Variants in SAAL1 observed in about 807,000 individuals in gnomAD.
SAAL1 encodes serum amyloid A like 1, also known as protein SAAL1.
In SAAL1, 42 loss-of-function variants were observed where a neutral mutation model predicts 59.8. The ratio of observed to expected loss-of-function variants is 0.70; its 90% confidence interval spans 0.55 to 0.91. The LOEUF is 0.91. Ranked by LOEUF, SAAL1 falls within the 40% of genes least tolerant of loss-of-function variation. SAAL1 has a pLI of 0.00. For synonymous variants in SAAL1, 191 were observed against 194.3 expected, an observed-to-expected ratio of 0.98 and a Z score of 0.14; for missense variants, 542 against 561.1, an observed-to-expected ratio of 0.97 and a Z score of 0.34.
chr11:18,089,562 T>C (rs756442718), intron 6 of SAAL1, 52 bp from the exon 7 acceptor site: 11 of 1,531,152 alleles, frequency 7.2e-6, no homozygotes, highest in Admixed American at 2.0e-5. Context: ...CTAAAAGCAA[T>C]AGGGTTAAGC....
At chr11:18,087,585 C>T (rs1046653941) in intron 7 of SAAL1, among the ~76,000 whole-genome samples, 12 of 152,138 alleles carry the variant, frequency 7.9e-5, no homozygotes, top group South Asian at 4.1e-4. Flanking sequence ...ATAGTATGAA[C>T]GTTAAGGTCC....
At chr11:18,103,925 C>T (rs1848661919) in intron 1 of SAAL1, among the ~76,000 whole-genome samples, 1 of 152,240 alleles carries the variant, frequency 6.6e-6, no homozygotes, top group South Asian at 2.1e-4. Context: ...CTTGATTTAA[C>T]ACAATCAAAG....
rs1422826511 is a variant in SAAL1 at position 18,087,028 on chromosome 11, T to C, written c.880A>G (p.Ile294Val). ...ACCAGGTCAAAAAGTAAATTCCAAA[T>C]GTCTTTTCCAGTGTCAGGACAATGT... ...IVHCPDTGKD[I>V]WNLLFDLVCH... Residue 294 changes from isoleucine to valine, a missense_variant, in exon 9 of 12, where the codon ATT becomes GTT. Coordinates refer to ENST00000524803, the MANE Select transcript of SAAL1 (RefSeq NM_138421.3). 6.2e-7 allele frequency: 1 copy of C among 1,613,852 alleles called. No homozygotes were observed. Among genetic ancestry groups the C allele is most frequent in the Non-Finnish European group, 8.5e-7 (1 of 1,179,852 alleles).
chr11:18,103,122 CAGACAGGAGATAA>C, intron 2 of SAAL1, 98 bp downstream of exon 2: 1 of 742,714 alleles, frequency 1.3e-6, no homozygotes, highest in Admixed American at 1.9e-5. Flanking sequence ...GGTGTGATTA[CAGACAGGAGATAA>C]AGCCTTTCCC....
intron 3 of SAAL1, 25 bp downstream of exon 3, chr11:18,096,746 A>G (rs1335793606): frequency 8.5e-7 from 1 of 1,173,128 alleles, no homozygotes; most frequent in East Asian, 2.3e-5. Context: ...TCAAAGAAGA[A>G]GGCTTTAGAA....
chr11:18,081,540 A>C (rs767747323), intron 10 of SAAL1, 37 bp from the exon 11 acceptor site: 2 of 1,535,550 alleles, frequency 1.3e-6, no homozygotes, highest in Non-Finnish European at 1.8e-6. Context: ...AAAAAAGGAA[A>C]ATTTTTCAAG....
At chr11:18,105,793 G>T in intron 1 of SAAL1, 114 bp downstream of exon 1, 2 of 1,319,032 alleles carry the variant, frequency 1.5e-6, no homozygotes, top group Non-Finnish European at 2.0e-6. Flanking sequence ...GCGCACGCCT[G>T]GGGAGGGGTC....
At chr11:18,090,083 T>A in intron 6 of SAAL1, 92 bp downstream of exon 6, 1 of 1,247,060 alleles carries the variant, frequency 8.0e-7, no homozygotes, top group Non-Finnish European at 1.1e-6. Flanking sequence ...AAGGCTTTTT[T>A]TAAAAAGGTG....
At chr11:18,092,115 G>C (rs934076603) in intron 4 of SAAL1, 130 bp downstream of exon 4, 1 of 561,322 alleles carries the variant, frequency 1.8e-6, no homozygotes, top group African/African-American at 1.9e-5. Flanking sequence ...ACACAATGAA[G>C]TTCCCACAGA....
rs75862664 is a variant in SAAL1, at chr11:18,087,019, A to T, written c.889T>A (p.Leu297Ile). 1.3e-4 allele frequency: 208 copies of T among 1,614,028 alleles called. 1 individual carries two copies. In the East Asian group the frequency reaches 4.2e-3, roughly 33 times the overall value. The change falls in exon 9 of 12, where the codon TTA (leucine) becomes ATA (isoleucine). Residue 297 changes from leucine to isoleucine, a missense_variant. By Grantham distance (5) the Leu-to-Ile change is conservative. Coordinates refer to ENST00000524803, the MANE Select transcript of SAAL1 (RefSeq NM_138421.3). ...CPDTGKDIWN[L>I]LFDLVCHEFC... ...TCATGGCAGACCAGGTCAAAAAGTA[A>T]ATTCCAAATGTCTTTTCCAGTGTCA... is the stretch of plus-strand genomic sequence containing the variant.
rs763806604 is a variant in SAAL1, at chr11:18,096,793, T to C, written c.311A>G (p.Lys104Arg). ...TACTCTTAATCGAGGACACTTGGAC[T>C]TGGCCAGTACTCCCATGAATATATC... ...APDIFMGVLA[K>R]SKCPRLREIC... Residue 104 changes from lysine (K) to arginine (R), a missense_variant, in exon 3 of 12, where the codon AAG becomes AGG. Lys to Arg is a conservative substitution (Grantham distance 26, BLOSUM62 2). Coordinates refer to ENST00000524803, the MANE Select transcript of SAAL1 (RefSeq NM_138421.3). 6.3e-7 allele frequency: 1 copy of C among 1,582,524 alleles called. No individual in the cohort carries two copies. Among genetic ancestry groups the C allele is most frequent in the Non-Finnish European group, 8.7e-7 (1 of 1,154,576 alleles).
chr11:18,094,876 A>G (rs1410411344), intron 3 of SAAL1, among the ~76,000 whole-genome samples: 1 of 152,216 alleles, frequency 6.6e-6, no homozygotes, highest in Non-Finnish European at 1.5e-5. Context: ...TTCCAATCAA[A>G]GATCAAGTTT....
At chr11:18,102,156 C>T (rs975302787) in intron 2 of SAAL1, among the ~76,000 whole-genome samples, 2 of 151,320 alleles carry the variant, frequency 1.3e-5, no homozygotes, top group African/African-American at 4.8e-5. Context: ...AATCCCAGCA[C>T]TTTGGGAGGC....
chr11:18,087,688 A>G (rs1038010279), intron 7 of SAAL1, among the ~76,000 whole-genome samples: 1 of 152,242 alleles, frequency 6.6e-6, no homozygotes, highest in Admixed American at 6.5e-5. Flanking sequence ...TGTAAGTCTA[A>G]TTCTTATGAT....
At chr11:18,083,025 C>A (rs936231270) in intron 10 of SAAL1, among the ~76,000 whole-genome samples, 23 of 152,130 alleles carry the variant, frequency 1.5e-4, no homozygotes, top group Admixed American at 1.2e-3. Context: ...ACAATATATT[C>A]ATAACATATT....
chr11:18,092,820 G>C (rs376682686), intron 3 of SAAL1, among the ~76,000 whole-genome samples: 2 of 152,232 alleles, frequency 1.3e-5, no homozygotes, highest in African/African-American at 4.8e-5. Flanking sequence ...AAGTTATTTG[G>C]AATCATGAAG....
At chr11:18,090,341 A>C (rs1375236579) in intron 5 of SAAL1, 51 bp from the exon 6 acceptor site, 3 of 1,562,952 alleles carry the variant, frequency 1.9e-6, no homozygotes, top group African/African-American at 1.4e-5. Flanking sequence ...AAAAAAAAAA[A>C]CAGTAAAGGA....
rs988505570 is a variant in SAAL1 at position 18,088,245 on chromosome 11, T to C, written c.771-1020A>G. On this transcript the variant is annotated intron_variant, in intron 7 of 11. Coordinates refer to ENST00000524803, the MANE Select transcript of SAAL1 (RefSeq NM_138421.3). ...GAATTTTTCATTTATTTCATTCTTT[T>C]TTCCCCTATTTTATTTATTTATATT... is the stretch of plus-strand genomic sequence containing the variant. 2.0e-5 allele frequency among the ~76,000 whole-genome samples: 3 copies of C among 152,224 alleles called. No homozygotes were observed. In the South Asian group the frequency reaches 6.2e-4, roughly 32 times the overall value.
intron 11 of SAAL1, 105 bp downstream of exon 11, chr11:18,081,306 T>C (rs1848407233): frequency 2.6e-6 from 2 of 768,428 alleles, no homozygotes; most frequent in Admixed American, 4.5e-5. Context: ...ATATAAATTG[T>C]ATATACTATC....
Sources: allele counts gnomAD v4.1 joint callset (sites outside exome capture counted in the v4.1 genomes callset), GRCh38; gene constraint gnomAD v4.1.1; transcripts MANE v1.5; gene names NCBI Gene and HGNC (gene_info 2026-07-23, HGNC 2026-07-21).